The following CFAP61 variants were observed in gnomAD, a reference collection of about 807,000 sequenced individuals.
CFAP61 encodes cilia and flagella associated protein 61.
A neutral mutation model predicts 135.6 loss-of-function variants in CFAP61; 107 were observed. That is an observed-to-expected ratio of 0.79 (90% CI 0.67 to 0.93). The LOEUF is 0.93. Ranked by LOEUF, CFAP61 falls within the 40% of genes least tolerant of loss-of-function variation. The probability of loss-of-function intolerance (pLI) is 0.00; values close to 1 mark genes in which losing one functional copy is unlikely to be tolerated. For synonymous variants in CFAP61, 575 were observed against 578.5 expected (o/e 0.99, Z 0.09); for missense variants, 1,507 against 1,556.2 (o/e 0.97, Z 0.53).
intron 2 of CFAP61, among the ~76,000 whole-genome samples, chr20:20,069,593 A>G (rs981812750): frequency 4.6e-5 from 7 of 152,212 alleles, no homozygotes; most frequent in South Asian, 2.1e-4. Flanking sequence ...CTAGTTTTAA[A>G]AACACACGAT....
chr20:20,098,799 G>T lies in CFAP61; in HGVS notation c.844G>T (p.Val282Phe). The change falls in exon 8 of 27, where the codon GTC becomes TTC. Residue 282 changes from valine to phenylalanine, a missense_variant. Coordinates refer to ENST00000245957, the MANE Select transcript of CFAP61 (RefSeq NM_015585.4). ...DVLESPQDLSVRRSQDAELRS... is the reference protein window; with the variant it reads ...DVLESPQDLSFRRSQDAELRS... ...TCTGGAATCACCACAAGACCTAAGT[G>T]TCCGAAGAAGTCAAGGTACAGTGGC... 1 of 1,612,208 alleles carries T rather than the reference G, an allele frequency of 6.2e-7. No individual in the cohort carries two copies. Among genetic ancestry groups the T allele is most frequent in the Non-Finnish European group, 8.5e-7 (1 of 1,179,362 alleles).
chr20:20,288,569 G>C (rs371490854), intron 22 of CFAP61, 40 bp from the exon 23 acceptor site: 20 of 1,497,536 alleles, frequency 1.3e-5, no homozygotes, highest in Non-Finnish European at 1.8e-5. Context: ...GTAAAATGAA[G>C]AGTGATAACT....
At chr20:20,138,432 C>G (rs1355620893) in intron 8 of CFAP61, among the ~76,000 whole-genome samples, 2 of 151,584 alleles carry the variant, frequency 1.3e-5, no homozygotes, top group African/African-American at 4.9e-5. Flanking sequence ...CTGGCTAGGG[C>G]TGATGCAAAT....
At chr20:20,234,353 G>A (rs2049409829) in intron 18 of CFAP61, among the ~76,000 whole-genome samples, 1 of 152,150 alleles carries the variant, frequency 6.6e-6, no homozygotes, top group South Asian at 2.1e-4. Flanking sequence ...TGCCCTTATG[G>A]TCCCTTAGTT....
intron 8 of CFAP61, among the ~76,000 whole-genome samples, chr20:20,116,119 G>A (rs953933338): frequency 6.6e-6 from 1 of 152,000 alleles, no homozygotes; most frequent in African/African-American, 2.4e-5. Context: ...ATACTTTTTT[G>A]ATAAGCACCA....
chr20:20,298,545 A>C (rs2055821854), intron 25 of CFAP61, among the ~76,000 whole-genome samples, 159 bp downstream of exon 25: 1 of 152,184 alleles, frequency 6.6e-6, no homozygotes, highest in Non-Finnish European at 1.5e-5. Flanking sequence ...ACCTGACGCT[A>C]ATGTGGGCTG....
In CFAP61 at chr20:20,359,091, A is replaced by G. The variant is rs933610252; in HGVS notation, c.3514-1119A>G. 2.0e-5 allele frequency among the ~76,000 whole-genome samples: 3 copies of G among 152,224 alleles called. No homozygotes were observed. The highest frequency in any genetic ancestry group is 2.0e-4 in the Admixed American group (3 of 15,288). On this transcript the variant is annotated intron_variant, in intron 26 of 26. Transcript: ENST00000245957. This position sits in a 1 kb window ranked among gnomAD's most constrained non-coding sequence, Gnocchi z 4.0. ...CAGGTGTGCAGGTGTTCAGTGGACA[A>G]TTCTTCAACTTGTCTCTGAAAATTT...
chr20:20,176,095 G>GA (rs1434497845), intron 13 of CFAP61, among the ~76,000 whole-genome samples: 2 of 151,020 alleles, frequency 1.3e-5, no homozygotes, highest in African/African-American at 4.9e-5. Context: ...CAACAAACAT[G>GA]AAAAAAAGCT....
intron 9 of CFAP61, among the ~76,000 whole-genome samples, chr20:20,150,969 G>T (rs929590603): frequency 1.4e-4 from 21 of 152,040 alleles, no homozygotes; most frequent in Admixed American, 9.8e-4. Flanking sequence ...AACCAGAAAA[G>T]AAATTCTGGT....
At chr20:20,337,292 AGATGGATG>A (rs1190187686) in intron 25 of CFAP61, among the ~76,000 whole-genome samples, 1 of 6,788 alleles carries the variant, frequency 1.5e-4, no homozygotes, top group African/African-American at 2.3e-4. Flanking sequence ...ATGGATGGAT[AGATGGATG>A]GATGGATGGA....
At chr20:20,222,775 T>A (rs1236973699) in intron 17 of CFAP61, among the ~76,000 whole-genome samples, 2 of 152,216 alleles carry the variant, frequency 1.3e-5, no homozygotes, top group Non-Finnish European at 2.9e-5. Context: ...TTTATTTATT[T>A]GTAATATTGC....
At chr20:20,166,263 T>G (rs2053823204) in intron 11 of CFAP61, 134 bp from the exon 12 acceptor site, 1 of 674,862 alleles carries the variant, frequency 1.5e-6, no homozygotes, top group Non-Finnish European at 2.6e-6. Flanking sequence ...CCATTAGTGT[T>G]CACCTAGACA....
intron 13 of CFAP61, chr20:20,184,750 G>A (rs1461285946): frequency 6.6e-6 from 1 of 152,232 alleles, no homozygotes; most frequent in African/African-American, 2.4e-5. Context: ...ACTTCCTCAG[G>A]TAGGGAATTC....
At chr20:20,230,650 G>T (rs564112474) in intron 18 of CFAP61, among the ~76,000 whole-genome samples, 181 of 152,264 alleles carry the variant, frequency 1.2e-3, no homozygotes, top group African/African-American at 4.2e-3. Flanking sequence ...CCTCCCCCCA[G>T]GTTCAAGCGA....
chr20:20,323,155 A>T, intron 25 of CFAP61: 1 of 985,454 alleles, frequency 1.0e-6, no homozygotes, highest in Non-Finnish European at 1.2e-6. Flanking sequence ...CTAGGCGAGG[A>T]TTCTAGTTTG....
chr20:20,326,188 G>T (rs561888687), intron 25 of CFAP61, among the ~76,000 whole-genome samples: 3 of 152,158 alleles, frequency 2.0e-5, no homozygotes, highest in East Asian at 3.9e-4. Context: ...TCCTACTGTT[G>T]AATTTTAAGA....
At chr20:20,064,304 C>G (rs187258641) in intron 2 of CFAP61, among the ~76,000 whole-genome samples, 7 of 152,200 alleles carry the variant, frequency 4.6e-5, no homozygotes, top group Non-Finnish European at 1.5e-5. Context: ...TTCTTCTTAC[C>G]CTAGATCTTA....
In CFAP61 at chr20:20,113,271, C is replaced by G. The variant is rs149760303; in HGVS notation, c.859+14457C>G. On this transcript the variant is annotated intron_variant, in intron 8 of 26. Transcript: ENST00000245957. ...GTAAAATTTCCCAGTTCACTGTGGT[C>G]TTATCTTCTCCACTTATCACTGCAT... Among the ~76,000 whole-genome samples, 693 of 152,266 alleles carry G rather than the reference C, an allele frequency of 4.6e-3. 11 individuals are homozygous for G. The highest frequency in any genetic ancestry group is 0.016 in the African/African-American group (667 of 41,564).
intron 6 of CFAP61, chr20:20,085,436 GT>G (rs1568864320): frequency 7.3e-7 from 1 of 1,365,268 alleles, no homozygotes; most frequent in Non-Finnish European, 9.8e-7. Flanking sequence ...AGCAGAACAA[GT>G]TCCTCTTTAT....
Sources: allele counts gnomAD v4.1 joint callset (sites outside exome capture counted in the v4.1 genomes callset), GRCh38; gene constraint gnomAD v4.1.1; non-coding constraint Gnocchi (gnomAD v3.1); transcripts MANE v1.5; gene names NCBI Gene and HGNC (gene_info 2026-07-23, HGNC 2026-07-21).